The following RIMS2 variants were observed in gnomAD, a reference collection of about 807,000 sequenced individuals.
RIMS2 encodes regulating synaptic membrane exocytosis protein 2.
In RIMS2, 59 loss-of-function variants were observed where a neutral mutation model predicts 174.4. The ratio of observed to expected loss-of-function variants is 0.34; its 90% CI spans 0.27 to 0.42. The LOEUF is 0.42. Among genes scored for constraint, RIMS2 ranks in the 10% least tolerant of loss-of-function variants. The pLI is 1.00. For synonymous variants in RIMS2, 606 were observed against 572.5 expected, an observed-to-expected ratio of 1.06 and a Z score of -0.84; for missense variants, 1,620 against 1,666.3, an observed-to-expected ratio of 0.97 and a Z score of 0.48.
intron 19 of RIMS2, among the ~76,000 whole-genome samples, chr8:104,077,179 G>A (rs2097311630): frequency 6.6e-6 from 1 of 152,086 alleles, no homozygotes; most frequent in Non-Finnish European, 1.5e-5. Flanking sequence ...AGCTTGATAT[G>A]TAACAGCAAT....
chr8:104,196,431 T>C (rs2099024866), intron 19 of RIMS2, among the ~76,000 whole-genome samples: 1 of 152,168 alleles, frequency 6.6e-6, no homozygotes, highest in African/African-American at 2.4e-5. Context: ...TTAAGCTTTT[T>C]ATGTAGAGTT....
chr8:103,621,288 C>T (rs1010125082), intron 1 of RIMS2, among the ~76,000 whole-genome samples: 1 of 152,284 alleles, frequency 6.6e-6, no homozygotes, highest in East Asian at 1.9e-4. Flanking sequence ...GATAACCTGA[C>T]GTGCCCACCC....
At chr8:103,610,454 G>A (rs1367461608) in intron 1 of RIMS2, among the ~76,000 whole-genome samples, 10 of 152,248 alleles carry the variant, frequency 6.6e-5, no homozygotes, top group African/African-American at 2.4e-4. Flanking sequence ...TCAGTATGAC[G>A]TTGGCTGTGG....
At chr8:104,067,856 T>G (rs1435667929) in intron 19 of RIMS2, among the ~76,000 whole-genome samples, 1 of 152,208 alleles carries the variant, frequency 6.6e-6, no homozygotes, top group African/African-American at 2.4e-5. Flanking sequence ...GAAAGAGGCT[T>G]ACCGTCTTGC....
intron 4 of RIMS2, among the ~76,000 whole-genome samples, chr8:103,903,286 C>T (rs532872692): frequency 6.6e-6 from 1 of 152,022 alleles, no homozygotes; most frequent in Non-Finnish European, 1.5e-5. Context: ...GCTTTTCTAG[C>T]TTCAACTATA....
intron 3 of RIMS2, among the ~76,000 whole-genome samples, chr8:103,798,747 G>A (rs1479827697): frequency 6.6e-6 from 1 of 152,020 alleles, no homozygotes; most frequent in Non-Finnish European, 1.5e-5. Flanking sequence ...ACAGAATAAT[G>A]GCCTCCAAAA....
At chr8:103,593,253 T>C (rs955276669) in intron 1 of RIMS2, among the ~76,000 whole-genome samples, 5 of 151,446 alleles carry the variant, frequency 3.3e-5, no homozygotes, top group East Asian at 1.9e-4. Context: ...GTTAATGATA[T>C]GATTTTTGGA....
chr8:103,808,954 G>A (rs1047863751), intron 3 of RIMS2, among the ~76,000 whole-genome samples: 1 of 152,146 alleles, frequency 6.6e-6, no homozygotes, highest in Non-Finnish European at 1.5e-5. Context: ...CATTCTGACT[G>A]CTAGGACTTG....
At chr8:103,719,292 C>T (rs1362207412) in intron 2 of RIMS2, among the ~76,000 whole-genome samples, 1 of 152,168 alleles carries the variant, frequency 6.6e-6, no homozygotes, top group Non-Finnish European at 1.5e-5. Context: ...ATTCCCTTCC[C>T]AAATTTGTTT....
chr8:103,625,230 A>G (rs1355604045), intron 1 of RIMS2, among the ~76,000 whole-genome samples: 2 of 152,014 alleles, frequency 1.3e-5, no homozygotes, highest in African/African-American at 4.8e-5. Context: ...GTGCACAAAC[A>G]AAATTGTCCA....
intron 19 of RIMS2, among the ~76,000 whole-genome samples, chr8:104,047,464 TC>T (rs2154558376): frequency 6.6e-6 from 1 of 152,142 alleles, no homozygotes; most frequent in African/African-American, 2.4e-5. Context: ...ACTTACTTGC[TC>T]CATGATCTTG....
intron 2 of RIMS2, among the ~76,000 whole-genome samples, chr8:103,762,301 T>G (rs2098121226): frequency 6.6e-6 from 1 of 152,166 alleles, no homozygotes; most frequent in African/African-American, 2.4e-5. Flanking sequence ...ATGTTTTGTA[T>G]TCTCAGGTTC....
chr8:104,061,905 T>C (rs1485622102), intron 19 of RIMS2, among the ~76,000 whole-genome samples: 1 of 152,090 alleles, frequency 6.6e-6, no homozygotes, highest in Non-Finnish European at 1.5e-5. Context: ...TCTTTGCACG[T>C]TGACATTTCT....
chr8:103,844,094 C>T (rs1187395462), intron 3 of RIMS2, among the ~76,000 whole-genome samples: 1 of 152,182 alleles, frequency 6.6e-6, no homozygotes, highest in Non-Finnish European at 1.5e-5. Flanking sequence ...TCCTCCTTGC[C>T]TTCTGCCACG....
chr8:104,013,895 G>T (rs993044534), intron 18 of RIMS2, among the ~76,000 whole-genome samples: 3 of 152,098 alleles, frequency 2.0e-5, no homozygotes, highest in African/African-American at 7.2e-5. Context: ...TAACTGTCAT[G>T]TTCCTCTCCT....
At chr8:104,163,553 A>C (rs2098777423) in intron 19 of RIMS2, among the ~76,000 whole-genome samples, 1 of 152,196 alleles carries the variant, frequency 6.6e-6, no homozygotes, top group Non-Finnish European at 1.5e-5. Context: ...TTTTGATTTA[A>C]AATCAACCGT....
At chr8:103,966,712 T>G (rs75861702) in intron 15 of RIMS2, among the ~76,000 whole-genome samples, 1,676 of 152,226 alleles carry the variant, frequency 0.011, 40 homozygotes, top group African/African-American at 0.038. Flanking sequence ...TTTAGATGAC[T>G]GATTTTAGGT....
chr8:103,971,908 A>G (rs553564682), intron 15 of RIMS2, among the ~76,000 whole-genome samples: 2 of 152,248 alleles, frequency 1.3e-5, no homozygotes, highest in African/African-American at 4.8e-5. Context: ...CTAACTTAAA[A>G]AGTTAAGGTG....
intron 19 of RIMS2, among the ~76,000 whole-genome samples, chr8:104,092,342 G>A (rs1440975847): frequency 6.6e-6 from 1 of 151,854 alleles, no homozygotes; most frequent in East Asian, 1.9e-4. Context: ...TAGTATCTGT[G>A]ATTAGAAAAT....
Sources: allele counts gnomAD v4.1 joint callset (sites outside exome capture counted in the v4.1 genomes callset), GRCh38; gene constraint gnomAD v4.1.1; transcripts MANE v1.5; gene names NCBI Gene and HGNC (gene_info 2026-07-23, HGNC 2026-07-21).